Variants in DDX1 observed in about 807,000 individuals in gnomAD.
DDX1 encodes DEAD-box helicase 1.
DDX1 carries 28 observed loss-of-function variants against 108.7 expected under a neutral mutation model. That is an observed-to-expected ratio of 0.26 (90% CI 0.19 to 0.35). The LOEUF (loss-of-function observed/expected upper bound fraction) is 0.35. Among genes scored for constraint, DDX1 ranks in the 10% least tolerant of loss-of-function variants. DDX1 has a pLI of 1.00. For missense variants in DDX1, 710 were observed against 884.5 expected, an observed-to-expected ratio of 0.80 and a Z score of 2.50; for synonymous variants, 295 against 288.9, an observed-to-expected ratio of 1.02 and a Z score of -0.21.
At chr2:15,622,293 T>C (rs1292916977) in intron 18 of DDX1, among the ~76,000 whole-genome samples, 4 of 152,234 alleles carry the variant, frequency 2.6e-5, no homozygotes, top group African/African-American at 9.6e-5. Context: ...CTTCTTAAAC[T>C]GAAAATCTGT....
intron 13 of DDX1, among the ~76,000 whole-genome samples, chr2:15,612,294 G>A (rs1180570702): frequency 2.7e-5 from 4 of 150,526 alleles, no homozygotes; most frequent in African/African-American, 9.8e-5. Context: ...AGACGGGGTC[G>A]CGGCCGGGTA....
chr2:15,607,753 C>G (rs1665689159), intron 13 of DDX1, among the ~76,000 whole-genome samples: 1 of 152,092 alleles, frequency 6.6e-6, no homozygotes, highest in Admixed American at 6.5e-5. Context: ...TAGGGTTTCA[C>G]TATGTTGCTT....
Position 15,606,164 on chromosome 2 carries a change from A to G in DDX1, c.717A>G (p.Lys239=), listed in dbSNP as rs34054614. 1.3e-4 allele frequency: 210 copies of G among 1,613,820 alleles called. No individual in the cohort carries two copies. In the African/African-American group the frequency reaches 2.0e-3, roughly 16 times the overall value. ...PACVLKNAEL[K]FNFGEEEFKF... is the part of the protein sequence containing the mutation. Reference sequence around the variant, plus strand: ...TTCAATGCTAGAATGCTGAACTGAAATTTAACTTCGGTGAAGAGGAATTTA... The same window carrying G: ...TTCAATGCTAGAATGCTGAACTGAAGTTTAACTTCGGTGAAGAGGAATTTA... The change falls in exon 12 of 26, where the codon AAA becomes AAG. Residue 239 remains lysine (K), a synonymous_variant. Coordinates refer to ENST00000233084, the MANE Select transcript of DDX1 (RefSeq NM_004939.3).
chr2:15,594,700 A>G (rs1665471550), intron 1 of DDX1, among the ~76,000 whole-genome samples: 1 of 152,190 alleles, frequency 6.6e-6, no homozygotes, highest in Non-Finnish European at 1.5e-5. Context: ...ACATGGTCCT[A>G]GAATAGCCAA....
intron 19 of DDX1, among the ~76,000 whole-genome samples, chr2:15,624,985 T>C (rs575182442): frequency 2.6e-4 from 40 of 152,250 alleles, no homozygotes; most frequent in Admixed American, 6.5e-4. Flanking sequence ...AAAACACATA[T>C]TGACAAAAAG....
chr2:15,606,799 A>G lies in DDX1; in HGVS notation c.818-376A>G, dbSNP rs111399075. ...GTCATTTTTGTAGACATATCAATCAATTAGAATTATTCCAAGTAGATTTTT... is the reference window on the plus strand; with the variant it reads ...GTCATTTTTGTAGACATATCAATCAGTTAGAATTATTCCAAGTAGATTTTT... On this transcript the variant is annotated intron_variant, in intron 12 of 25. Transcript: ENST00000233084. Among the ~76,000 whole-genome samples, 1,120 of 152,262 alleles carry G rather than the reference A, an allele frequency of 7.4e-3. 14 individuals are homozygous for G. Among genetic ancestry groups the G allele is most frequent in the African/African-American group, 0.026 (1,069 of 41,548 alleles).
At chr2:15,595,303 C>A in intron 2 of DDX1, 107 bp downstream of exon 2, 1 of 1,079,300 alleles carries the variant, frequency 9.3e-7, no homozygotes, top group Non-Finnish European at 1.3e-6. Flanking sequence ...AAGTGAAAAT[C>A]AGGTTTTTTT....
chr2:15,618,153 CTTAAT>C (rs1573047771), intron 15 of DDX1, 23 bp from the exon 16 acceptor site: 1 of 1,382,274 alleles, frequency 7.2e-7, no homozygotes, highest in Non-Finnish European at 1.0e-6. Context: ...TGATTAAAAA[CTTAAT>C]TTATTCTTTG....
chr2:15,612,216 G>A (rs1039081452), intron 13 of DDX1, among the ~76,000 whole-genome samples: 17 of 151,730 alleles, frequency 1.1e-4, no homozygotes, highest in Non-Finnish European at 2.2e-4. Context: ...TGGACGGGGT[G>A]GCTGCCGGGC....
chr2:15,614,119 C>T (rs1272568399), intron 14 of DDX1, among the ~76,000 whole-genome samples: 3 of 152,096 alleles, frequency 2.0e-5, no homozygotes, highest in African/African-American at 4.8e-5. Context: ...CTGCGCCTGG[C>T]CGAAGTTTAG....
At chr2:15,602,507 C>G (rs761264894) in intron 6 of DDX1, 41 bp from the exon 7 acceptor site, 13 of 1,445,646 alleles carry the variant, frequency 9.0e-6, no homozygotes, top group Non-Finnish European at 1.3e-5. Flanking sequence ...TTTATAAAAC[C>G]TGTACTGACG....
At chr2:15,607,704 A>C (rs1665687979) in intron 13 of DDX1, among the ~76,000 whole-genome samples, 1 of 152,078 alleles carries the variant, frequency 6.6e-6, no homozygotes, top group South Asian at 2.1e-4. Context: ...CTCCCACTTG[A>C]GTAGTTGGGA....
chr2:15,604,210 A>C (rs897980692), intron 9 of DDX1, among the ~76,000 whole-genome samples: 10 of 152,214 alleles, frequency 6.6e-5, no homozygotes, highest in African/African-American at 2.4e-4. Context: ...ATGAGTCTAA[A>C]TATAGTTCGT....
intron 13 of DDX1, among the ~76,000 whole-genome samples, chr2:15,608,602 A>G (rs1167726506): frequency 6.7e-6 from 1 of 149,496 alleles, no homozygotes; most frequent in Non-Finnish European, 1.5e-5. Context: ...AACTGTCACC[A>G]CTATCAAATT....
chr2:15,629,294 T>C (rs1210789879), intron 23 of DDX1, among the ~76,000 whole-genome samples: 1 of 152,202 alleles, frequency 6.6e-6, no homozygotes, highest in Non-Finnish European at 1.5e-5. Context: ...TTGAACTTTT[T>C]TATGTTAATA....
chr2:15,595,709 C>A (rs1425847936), intron 3 of DDX1, among the ~76,000 whole-genome samples, 156 bp downstream of exon 3: 1 of 152,086 alleles, frequency 6.6e-6, no homozygotes, highest in Non-Finnish European at 1.5e-5. Flanking sequence ...TAAGTATTTA[C>A]TCCTGAGAAG....
Position 15,604,493 on chromosome 2 carries a change from C to T in DDX1, c.609C>T (p.Val203=), listed in dbSNP as rs1300454170. 4 of 1,603,494 alleles carry T rather than the reference C, an allele frequency of 2.5e-6. No homozygotes were observed. ...GCYLDIDKGH[V]KFSKNGKDLG... is the part of the protein sequence containing the mutation. ...ACCTGGATATAGATAAGGGACATGTCAAGTTCTCCAAAAATGGTAAGCTCT... is the reference window on the plus strand; with the variant it reads ...ACCTGGATATAGATAAGGGACATGTTAAGTTCTCCAAAAATGGTAAGCTCT... Residue 203 remains valine, a synonymous_variant, in exon 10 of 26, where the codon GTC becomes GTT. Coordinates refer to ENST00000233084, the MANE Select transcript of DDX1 (RefSeq NM_004939.3).
chr2:15,629,704 C>G lies in DDX1; in HGVS notation c.1971+7C>G. 6.5e-7 allele frequency: 1 copy of G among 1,545,386 alleles called. No individual in the cohort carries two copies. Among genetic ancestry groups the G allele is most frequent in the Non-Finnish European group, 8.7e-7 (1 of 1,152,084 alleles). On this transcript the variant is annotated splice_region_variant and intron_variant, in intron 24 of 25. Transcript: ENST00000233084. ...ATGGTACAACGAGATGCAGGTAAGA[C>G]TTCGAGTTAGGCTCACAAATAATGT...
At chr2:15,617,195 T>G (rs763478317) in intron 14 of DDX1, 49 bp from the exon 15 acceptor site, 1 of 965,928 alleles carries the variant, frequency 1.0e-6, no homozygotes, top group African/African-American at 1.6e-5. Context: ...TTAACGTAAT[T>G]ATACTGTTTC....
Sources: gnomAD v4.1 joint callset for allele counts (sites outside exome capture counted in the v4.1 genomes callset) on GRCh38, gnomAD v4.1.1 for gene constraint, MANE v1.5 for transcripts, NCBI Gene and HGNC (gene_info 2026-07-23, HGNC 2026-07-21) for gene names.